The following DIAPH2 variants were observed in gnomAD, a reference collection of about 807,000 sequenced individuals.
DIAPH2 encodes diaphanous related formin 2, also known as protein diaphanous homolog 2.
DIAPH2 carries 35 observed loss-of-function variants against 92.7 expected under a neutral mutation model. The ratio of observed to expected loss-of-function variants is 0.38; its 90% CI spans 0.29 to 0.50. The LOEUF is 0.50. Ranked by LOEUF, DIAPH2 falls within the 20% of genes least tolerant of loss-of-function variation. The pLI, the probability that DIAPH2 is intolerant of heterozygous loss-of-function variation, is 0.94. For missense variants in DIAPH2, 701 were observed against 819.5 expected (o/e 0.86, Z 1.77); for synonymous variants, 301 against 280.4 (o/e 1.07, Z -0.73).
intron 17 of DIAPH2, among the ~76,000 whole-genome samples, chrX:96,965,514 T>A (rs903397175): frequency 9.0e-6 from 1 of 111,545 alleles, no homozygotes. Context: ...GCAGGGAAGA[T>A]GAATCCGTTG....
intron 20 of DIAPH2, among the ~76,000 whole-genome samples, chrX:97,112,550 A>G (rs1277312398): frequency 1.8e-5 from 2 of 109,993 alleles, no homozygotes; most frequent in Non-Finnish European, 3.8e-5. Flanking sequence ...GAGACCTGCA[A>G]ATTCACGGAG....
intron 26 of DIAPH2, among the ~76,000 whole-genome samples, chrX:97,554,624 A>G (rs892961940): frequency 1.3e-4 from 15 of 111,953 alleles, no homozygotes; most frequent in South Asian, 7.4e-4. Flanking sequence ...GCAAGATAGA[A>G]TAATGGTTAG....
At chrX:97,305,137 T>C (rs1208604448) in intron 23 of DIAPH2, among the ~76,000 whole-genome samples, 5 of 111,983 alleles carry the variant, frequency 4.5e-5, no homozygotes, top group African/African-American at 9.7e-5. Context: ...GCTGAGGCAG[T>C]GTCTAACTGC....
intron 23 of DIAPH2, among the ~76,000 whole-genome samples, chrX:97,311,653 G>A (rs764199124): frequency 2.7e-5 from 3 of 111,136 alleles, no homozygotes; most frequent in East Asian, 5.6e-4. Flanking sequence ...CAAGTGCAGG[G>A]TCTGCACAAT....
chrX:97,281,658 C>G (rs953427284), intron 23 of DIAPH2, among the ~76,000 whole-genome samples: 2 of 109,016 alleles, frequency 1.8e-5, no homozygotes, highest in African/African-American at 6.7e-5. Flanking sequence ...GCAGGAGAAT[C>G]GCTTGAACCC....
chrX:97,388,185 A>G (rs1452552648), intron 25 of DIAPH2, among the ~76,000 whole-genome samples: 1 of 111,525 alleles, frequency 9.0e-6, no homozygotes, highest in African/African-American at 3.3e-5. Context: ...TGAAGAGTCT[A>G]CGGTAGGATC....
At chrX:96,852,914 G>C (rs1271230448) in intron 4 of DIAPH2, among the ~76,000 whole-genome samples, 1 of 111,594 alleles carries the variant, frequency 9.0e-6, no homozygotes, top group Non-Finnish European at 1.9e-5. Context: ...CCAAGTTACA[G>C]GTAAAAAGGT....
chrX:97,312,474 C>T (rs998939106), intron 23 of DIAPH2, among the ~76,000 whole-genome samples: 7 of 105,667 alleles, frequency 6.6e-5, no homozygotes, highest in South Asian at 4.5e-4. Flanking sequence ...CTCAGCCTCC[C>T]GAGTAGCTGG....
chrX:97,185,397 A>ATATATATGTG (rs2067581279), intron 22 of DIAPH2, among the ~76,000 whole-genome samples: 2 of 5,497 alleles, frequency 3.6e-4, no homozygotes, highest in African/African-American at 7.5e-4. Context: ...ATATATGTGT[A>ATATATATGTG]TATATATATA....
chrX:97,333,870 T>G (rs1258507256), intron 23 of DIAPH2, among the ~76,000 whole-genome samples: 2 of 110,244 alleles, frequency 1.8e-5, no homozygotes, highest in East Asian at 5.8e-4. Context: ...CGACCCATAT[T>G]TCTTATATCT....
chrX:96,697,465 G>A (rs1465113954), intron 1 of DIAPH2, among the ~76,000 whole-genome samples: 2 of 108,481 alleles, frequency 1.8e-5, no homozygotes, highest in Non-Finnish European at 3.8e-5. Flanking sequence ...GGCCAACATG[G>A]TGGAACCCTG....
chrX:96,981,024 T>C (rs1253483535), intron 17 of DIAPH2, among the ~76,000 whole-genome samples: 2 of 84,131 alleles, frequency 2.4e-5, no homozygotes, highest in East Asian at 6.4e-4. Context: ...AAAAAAAAAA[T>C]TGGCCAGGCA....
At chrX:97,513,838 C>T (rs1178248426) in intron 26 of DIAPH2, among the ~76,000 whole-genome samples, 2 of 101,579 alleles carry the variant, frequency 2.0e-5, no homozygotes, top group African/African-American at 7.4e-5. Context: ...AATATTGGCC[C>T]CCACTCTCTT....
chrX:97,141,246 A>C (rs1376905482), intron 21 of DIAPH2, among the ~76,000 whole-genome samples: 2 of 111,385 alleles, frequency 1.8e-5, no homozygotes, highest in African/African-American at 3.3e-5. Context: ...AATTTACATC[A>C]ACAATGGCTA....
At position 97,114,982 on chromosome X, in the gene DIAPH2, T is replaced by A. The variant is rs1263482809; in HGVS notation, c.2589+17T>A. On this transcript the variant is annotated intron_variant, in intron 21 of 26. Coordinates refer to ENST00000324765, the MANE Select transcript of DIAPH2 (RefSeq NM_006729.5). ...CTTTGTAAGGTAAGATGACATTTTATAATGCTAATTTACAACAATAATCTT... is the reference window on the plus strand; with the variant it reads ...CTTTGTAAGGTAAGATGACATTTTAAAATGCTAATTTACAACAATAATCTT... 1 of 1,141,825 alleles carries A rather than the reference T, an allele frequency of 8.8e-7. No homozygotes were observed. The highest frequency in any genetic ancestry group is 3.0e-5 in the East Asian group (1 of 33,290). The allele number at this position is 1,141,825 out of a possible 1,213,427, so 94.1% of individuals were successfully genotyped here.
chrX:97,518,080 C>T (rs890303759), intron 26 of DIAPH2, among the ~76,000 whole-genome samples: 8 of 112,167 alleles, frequency 7.1e-5, no homozygotes, highest in African/African-American at 2.6e-4. Context: ...TCTTGTATGG[C>T]AAATCAAATG....
chrX:97,268,293 AATTTC>A (rs1412877911), intron 23 of DIAPH2, among the ~76,000 whole-genome samples: 2 of 112,482 alleles, frequency 1.8e-5, no homozygotes, highest in Non-Finnish European at 3.8e-5. Context: ...ATTTGCAGAG[AATTTC>A]ATTTCATTTA....
intron 26 of DIAPH2, among the ~76,000 whole-genome samples, chrX:97,470,577 A>T (rs182975051): frequency 9.0e-6 from 1 of 110,529 alleles, no homozygotes; most frequent in Non-Finnish European, 1.9e-5. Context: ...TATAAAATTG[A>T]TATTATTATT....
chrX:97,509,083 G>C (rs942627965), intron 26 of DIAPH2, among the ~76,000 whole-genome samples: 2 of 107,686 alleles, frequency 1.9e-5, no homozygotes, highest in African/African-American at 3.4e-5. Flanking sequence ...GTCTCGCTCT[G>C]TCGCCGAGGC....
Sources: allele counts gnomAD v4.1 joint callset (sites outside exome capture counted in the v4.1 genomes callset), GRCh38; gene constraint gnomAD v4.1.1; transcripts MANE v1.5; gene names NCBI Gene and HGNC (gene_info 2026-07-23, HGNC 2026-07-21).